The following ALX1 variants were observed in gnomAD, a reference collection of about 807,000 sequenced individuals.
ALX1 encodes the protein ALX homeobox 1.
Under a neutral mutation model 31.7 loss-of-function variants are expected in ALX1, and 19 were observed. That is an observed-to-expected ratio of 0.60 (90% CI 0.42 to 0.88). The LOEUF (loss-of-function observed/expected upper bound fraction) is 0.88, where lower values mean the gene tolerates loss of function less well. ALX1 is among the 40% of genes least tolerant of loss of function. ALX1 has a pLI of 0.00. For missense variants in ALX1, 415 were observed against 407.8 expected (o/e 1.02, Z -0.15); for synonymous variants, 153 against 148.8 (o/e 1.03, Z -0.20).
intron 3 of ALX1, among the ~76,000 whole-genome samples, chr12:85,294,457 C>G (rs1005134262): frequency 2.0e-5 from 3 of 151,062 alleles, no homozygotes; most frequent in Non-Finnish European, 4.5e-5. Context: ...TGAAAACTTT[C>G]ATTTTAAAGC....
chr12:85,282,401 A>T (rs942739112), intron 1 of ALX1, among the ~76,000 whole-genome samples: 5 of 152,114 alleles, frequency 3.3e-5, no homozygotes, highest in African/African-American at 1.2e-4. Flanking sequence ...TTTGAGAGTT[A>T]CTCCGTTAGT....
chr12:85,280,734 T>TCAGATCC (rs1185441984), intron 1 of ALX1, among the ~76,000 whole-genome samples: 3 of 152,174 alleles, frequency 2.0e-5, no homozygotes. Flanking sequence ...CTCCTTTCGC[T>TCAGATCC]GTAGGGTCTG....
At chr12:85,285,093 G>A (rs972712007) in intron 2 of ALX1, among the ~76,000 whole-genome samples, 2 of 152,080 alleles carry the variant, frequency 1.3e-5, no homozygotes, top group African/African-American at 4.8e-5. Flanking sequence ...CACCCGCTGT[G>A]TAAGTTTGAG....
chr12:85,283,581 G>C lies in ALX1; in HGVS notation c.236G>C (p.Gly79Ala). The C allele has an allele frequency of 6.2e-7, 1 of 1,613,976 alleles. No homozygotes were observed. Among genetic ancestry groups the C allele is most frequent in the South Asian group, 1.1e-5 (1 of 91,078 alleles). ...CCTCCTCTGGGTACAGTGAACTATG[G>C]GATCACTAAAGTAGAAGGACAGCCC... ...SPCQDSSVNY[G>A]ITKVEGQPLH... Residue 79 changes from glycine (G) to alanine (A), a missense_variant, in exon 2 of 4, where the codon GGG (glycine) becomes GCG (alanine). By Grantham distance (60) the Gly-to-Ala change is moderately conservative. Transcript: ENST00000316824.
In ALX1 at chr12:85,286,917, C is replaced by G; in HGVS notation, c.596C>G (p.Ala199Gly). ...KRERYGQIQQAKSHFAATYDI... is the reference protein window; with the variant it reads ...KRERYGQIQQGKSHFAATYDI... ...GAACGTTATGGCCAAATACAACAAG[C>G]GAAAAGCCATTTTGCTGCCACCTAT... Residue 199 changes from alanine (A) to glycine (G), a missense_variant, in exon 3 of 4, where the codon GCG becomes GGG. Physicochemically the swap from Ala to Gly is moderately conservative, Grantham distance 60. Coordinates refer to ENST00000316824, the MANE Select transcript of ALX1 (RefSeq NM_006982.3). 2 of 1,612,106 alleles carry G rather than the reference C, an allele frequency of 1.2e-6. No individual in the cohort carries two copies. The highest frequency in any genetic ancestry group is 2.2e-5 in the South Asian group (2 of 90,986).
rs1896966223 is a variant in ALX1 at position 85,301,471 on chromosome 12, T to A, written c.977T>A (p.Met326Lys). 5 of 1,613,820 alleles carry A rather than the reference T, an allele frequency of 3.1e-6. No homozygotes were observed. Among genetic ancestry groups the A allele is most frequent in the Non-Finnish European group, 4.2e-6 (5 of 1,179,874 alleles). Reference protein sequence around the residue: ...KEHTANISWAM With the variant: ...KEHTANISWAK Reference sequence around the variant, plus strand: ...CACACCGCCAATATTTCATGGGCCATGTAACATACAGTACTCTTTTATTTT... The same window carrying A: ...CACACCGCCAATATTTCATGGGCCAAGTAACATACAGTACTCTTTTATTTT... The change falls in exon 4 of 4, where the codon ATG becomes AAG. Residue 326 changes from methionine to lysine, a missense_variant. Coordinates refer to ENST00000316824, the MANE Select transcript of ALX1 (RefSeq NM_006982.3).
At position 85,283,786 on chromosome 12, in the gene ALX1, G is replaced by A; in HGVS notation, c.441G>A (p.Leu147=). 3 of 1,614,142 alleles carry A rather than the reference G, an allele frequency of 1.9e-6. No individual in the cohort carries two copies. Among genetic ancestry groups the A allele is most frequent in the Non-Finnish European group, 2.5e-6 (3 of 1,180,018 alleles). The change falls in exon 2 of 4, where the codon CTG becomes CTA. Residue 147 remains leucine, a synonymous_variant. Transcript: ENST00000316824. ...TCACCAGTTTGCAGCTAGAGGAGCT[G>A]GAGAAAGTCTTTCAGAAAACTCATT... ...TTFTSLQLEE[L]EKVFQKTHYP...
rs776211376 is a variant in ALX1, at chr12:85,301,480, C to A, written c.*5C>A. 5 of 1,612,890 alleles carry A rather than the reference C, an allele frequency of 3.1e-6. No homozygotes were observed. The highest frequency in any genetic ancestry group is 8.5e-7 in the Non-Finnish European group (1 of 1,179,536). Reference sequence around the variant, plus strand: ...AATATTTCATGGGCCATGTAACATACAGTACTCTTTTATTTTTCTTTTAAT... The same window carrying A: ...AATATTTCATGGGCCATGTAACATAAAGTACTCTTTTATTTTTCTTTTAAT... On this transcript the variant is annotated 3_prime_UTR_variant, in exon 4 of 4. Transcript: ENST00000316824.
chr12:85,293,672 A>C (rs1896848425), intron 3 of ALX1, among the ~76,000 whole-genome samples: 1 of 151,194 alleles, frequency 6.6e-6, no homozygotes, highest in Non-Finnish European at 1.5e-5. Context: ...TAAGTTGAAT[A>C]GATAACCAAA....
At chr12:85,282,853 C>T (rs2137375907) in intron 1 of ALX1, among the ~76,000 whole-genome samples, 1 of 150,778 alleles carries the variant, frequency 6.6e-6, no homozygotes, top group Non-Finnish European at 1.5e-5. Context: ...ACTAGCTAAG[C>T]AGAAATATGA....
At chr12:85,299,777 C>T (rs906569774) in intron 3 of ALX1, among the ~76,000 whole-genome samples, 4 of 151,660 alleles carry the variant, frequency 2.6e-5, no homozygotes, top group African/African-American at 9.7e-5. Context: ...AATTAGTTGC[C>T]ATAGAAAGTA....
intron 1 of ALX1, among the ~76,000 whole-genome samples, chr12:85,283,002 G>C (rs949564575): frequency 7.2e-5 from 11 of 152,244 alleles, no homozygotes; most frequent in Admixed American, 2.0e-4. Flanking sequence ...TGAAGAAAAA[G>C]TGTAAATGCA....
At chr12:85,298,134 T>C (rs957808292) in intron 3 of ALX1, among the ~76,000 whole-genome samples, 8 of 151,532 alleles carry the variant, frequency 5.3e-5, no homozygotes, top group Non-Finnish European at 1.0e-4. Context: ...AATGAGTAAA[T>C]AAATAATTTC....
At chr12:85,294,574 A>T (rs1241504859) in intron 3 of ALX1, among the ~76,000 whole-genome samples, 1 of 151,130 alleles carries the variant, frequency 6.6e-6, no homozygotes, top group South Asian at 2.1e-4. Flanking sequence ...TATATCTTGG[A>T]CTTGGAGCAT....
rs1896968150 is a variant in ALX1, at chr12:85,301,601, A to G, written c.*126A>G. ...AAAGGTCAAGATATTCAGTGAGACC[A>G]GCTTAAATGAATAGTTGTTATTTAA... On this transcript the variant is annotated 3_prime_UTR_variant, in exon 4 of 4. Coordinates refer to ENST00000316824, the MANE Select transcript of ALX1 (RefSeq NM_006982.3). The G allele has an allele frequency of 1.1e-6, 1 of 939,312 alleles. No individual in the cohort carries two copies. The highest frequency in any genetic ancestry group is 1.6e-6 in the Non-Finnish European group (1 of 615,834). 58.2% of individuals were successfully genotyped at this position (939,312 alleles called of 1,614,324 possible). A position where few individuals can be genotyped will look rare whatever the true frequency, so the allele number is the denominator to read the frequency against.
At chr12:85,301,000 A>T (rs1896957150) in intron 3 of ALX1, among the ~76,000 whole-genome samples, 155 bp from the exon 4 acceptor site, 1 of 152,142 alleles carries the variant, frequency 6.6e-6, no homozygotes, top group African/African-American at 2.4e-5. Flanking sequence ...TCTCTCAAGT[A>T]ATTATTTTTT....
In ALX1 at chr12:85,286,925, C is replaced by A; in HGVS notation, c.604C>A (p.His202Asn). 1 of 1,612,286 alleles carries A rather than the reference C, an allele frequency of 6.2e-7. No homozygotes were observed. Among genetic ancestry groups the A allele is most frequent in the Non-Finnish European group, 8.5e-7 (1 of 1,178,698 alleles). ...RYGQIQQAKS[H>N]FAATYDISVL... ...TGGCCAAATACAACAAGCGAAAAGC[C>A]ATTTTGCTGCCACCTATGATATATC... Residue 202 changes from histidine to asparagine, a missense_variant, in exon 3 of 4, where the codon CAT becomes AAT. Transcript: ENST00000316824.
rs1241736578 is a variant in ALX1 at position 85,280,424 on chromosome 12, C to A, written c.163C>A (p.Pro55Thr). ...SAGKCVQAFG[P>T]LPRAEHHVRL... ...AGGCAAATGCGTGCAGGCCTTCGGA[C>A]CCCTGCCCCGCGCCGAGCATCACGT... The change falls in exon 1 of 4, where the codon CCC becomes ACC. Residue 55 changes from proline to threonine, a missense_variant. Physicochemically the swap from Pro to Thr is conservative, Grantham distance 38 (BLOSUM62 -1). Around this residue, in one of 3 missense-constraint regions of ALX1, gnomAD observed 235 missense variants for 208.9 expected, o/e 1.13. Transcript: ENST00000316824. 1 of 1,612,724 alleles carries A rather than the reference C, an allele frequency of 6.2e-7. No homozygotes were observed.
At chr12:85,284,249 C>A (rs1232992109) in intron 2 of ALX1, among the ~76,000 whole-genome samples, 1 of 144,406 alleles carries the variant, frequency 6.9e-6, no homozygotes, top group Non-Finnish European at 1.5e-5. Flanking sequence ...TTATTAGCCA[C>A]TAAGGTTCTT....
Sources: gnomAD v4.1 joint callset for allele counts (sites outside exome capture counted in the v4.1 genomes callset) on GRCh38, gnomAD v4.1.1 for gene constraint, gnomAD v4.1.1 regional missense constraint, MANE v1.5 for transcripts, NCBI Gene and HGNC (gene_info 2026-07-23, HGNC 2026-07-21) for gene names.